Variants in TMEM242 observed in about 807,000 individuals in gnomAD.
The protein encoded by TMEM242 is UPF0463 transmembrane protein C6orf35.
TMEM242 carries 10 observed loss-of-function variants against 18.2 expected under a neutral mutation model. The observed-to-expected ratio is 0.55, with a 90% confidence interval of 0.34 to 0.93. TMEM242 has a LOEUF of 0.93. Among genes scored for constraint, TMEM242 ranks in the 40% least tolerant of loss-of-function variants. TMEM242 has a pLI of 0.02. For missense variants in TMEM242, 186 were observed against 175.5 expected (o/e 1.06, Z -0.34); for synonymous variants, 57 against 69.9 (o/e 0.81, Z 0.92).
At chr6:157,313,448 T>G (rs1412549339) in intron 3 of TMEM242, among the ~76,000 whole-genome samples, 16 of 129,814 alleles carry the variant, frequency 1.2e-4, no homozygotes, top group Middle Eastern at 4.7e-3. Flanking sequence ...AGTGCCCCAG[T>G]CTGCGCTCAC....
chr6:157,303,721 C>T (rs1477648455), intron 3 of TMEM242, among the ~76,000 whole-genome samples: 2 of 148,336 alleles, frequency 1.3e-5, no homozygotes, highest in Non-Finnish European at 3.0e-5. Context: ...AGCATGAACA[C>T]AATTATTTTG....
intron 3 of TMEM242, among the ~76,000 whole-genome samples, chr6:157,296,571 T>A (rs373971647): frequency 1.3e-5 from 2 of 152,236 alleles, no homozygotes; most frequent in African/African-American, 4.8e-5. Flanking sequence ...TAGCCCCAGC[T>A]ACTCAGGAAG....
chr6:157,289,900 G>A lies in TMEM242; in HGVS notation c.*3001C>T, dbSNP rs1344602977. 4 of 152,206 alleles carry A rather than the reference G, an allele frequency of 2.6e-5. No homozygotes were observed. The highest frequency in any genetic ancestry group is 7.2e-5 in the African/African-American group (3 of 41,432). The allele number at this position is 152,206 out of a possible 1,614,324, so 9.4% of individuals were successfully genotyped here. A position where few individuals can be genotyped will look rare whatever the true frequency, so the allele number is the denominator to read the frequency against. On this transcript the variant is annotated 3_prime_UTR_variant, in exon 4 of 4. Transcript: ENST00000400788. Reference sequence around the variant, plus strand: ...GAGGGTGGTGGTGGAGATGGCCCACGACCCTCTCAGCAGCCACATGCTTCC... The same window carrying A: ...GAGGGTGGTGGTGGAGATGGCCCACAACCCTCTCAGCAGCCACATGCTTCC...
At position 157,292,748 on chromosome 6, in the gene TMEM242, C is replaced by G. The variant is rs1258136967; in HGVS notation, c.*153G>C. 8.4e-6 allele frequency: 5 copies of G among 592,718 alleles called. No individual in the cohort carries two copies. The highest frequency in any genetic ancestry group is 1.5e-5 in the Non-Finnish European group (5 of 333,564). 36.7% of individuals were successfully genotyped at this position (592,718 alleles called of 1,614,324 possible). ...CCCCAGCACGCACACACATACTCTCCTGTGATGAGGCTGAATGCTATCCAG... is the reference window on the plus strand; with the variant it reads ...CCCCAGCACGCACACACATACTCTCGTGTGATGAGGCTGAATGCTATCCAG... On this transcript the variant is annotated 3_prime_UTR_variant, in exon 4 of 4. Coordinates refer to ENST00000400788, the MANE Select transcript of TMEM242 (RefSeq NM_018452.6).
intron 3 of TMEM242, chr6:157,299,631 A>G: frequency 1.2e-6 from 2 of 1,606,530 alleles, no homozygotes; most frequent in East Asian, 2.2e-5. Context: ...AGGGGGCTGT[A>G]CTGGACAATA....
chr6:157,312,901 C>A (rs1554249501), intron 3 of TMEM242, among the ~76,000 whole-genome samples: 2 of 152,056 alleles, frequency 1.3e-5, no homozygotes, highest in African/African-American at 2.4e-5. Flanking sequence ...TCATAGTGTC[C>A]CACTGTGCGC....
chr6:157,299,642 C>G, intron 3 of TMEM242: 1 of 1,609,482 alleles, frequency 6.2e-7, no homozygotes, highest in Admixed American at 1.7e-5. Context: ...CTGGACAATA[C>G]CGGAAATCAT....
chr6:157,303,382 A>G (rs147053063), intron 3 of TMEM242, among the ~76,000 whole-genome samples: 159 of 152,362 alleles, frequency 1.0e-3, no homozygotes, highest in Non-Finnish European at 1.8e-3. Context: ...GGGCATCTTT[A>G]GAAAGTTGAT....
chr6:157,308,353 T>C (rs1306299834), intron 3 of TMEM242, among the ~76,000 whole-genome samples: 1 of 152,162 alleles, frequency 6.6e-6, no homozygotes, highest in Non-Finnish European at 1.5e-5. Context: ...CAGTTGGTCA[T>C]AAGGTTACTA....
Position 157,290,300 on chromosome 6 carries a change from T to C in TMEM242, c.*2601A>G, listed in dbSNP as rs1464247595. 1.3e-5 allele frequency: 2 copies of C among 152,204 alleles called. No homozygotes were observed. Among genetic ancestry groups the C allele is most frequent in the African/African-American group, 4.8e-5 (2 of 41,440 alleles). 9.4% of individuals were successfully genotyped at this position (152,204 alleles called of 1,614,324 possible). A position where few individuals can be genotyped will look rare whatever the true frequency, so the allele number is the denominator to read the frequency against. ...CCTGCGTTATCCATCCTTTAAAGCA[T>C]TTCTAGTGCTCAGCCTCCATGAAAT... On this transcript the variant is annotated 3_prime_UTR_variant, in exon 4 of 4. Coordinates refer to ENST00000400788, the MANE Select transcript of TMEM242 (RefSeq NM_018452.6).
intron 3 of TMEM242, among the ~76,000 whole-genome samples, chr6:157,316,369 G>A (rs1027431878): frequency 1.3e-5 from 2 of 152,170 alleles, no homozygotes; most frequent in Non-Finnish European, 2.9e-5. Context: ...ATTAATATCT[G>A]CTAGATAGTT....
intron 3 of TMEM242, among the ~76,000 whole-genome samples, chr6:157,316,629 A>G (rs1158025730): frequency 6.6e-6 from 1 of 152,166 alleles, no homozygotes; most frequent in Non-Finnish European, 1.5e-5. Flanking sequence ...TAATCCCAGC[A>G]CTTCGGGAGG....
intron 3 of TMEM242, among the ~76,000 whole-genome samples, chr6:157,295,088 ATAT>A (rs1263243357): frequency 2.6e-5 from 4 of 152,212 alleles, no homozygotes; most frequent in Non-Finnish European, 5.9e-5. Flanking sequence ...ATGGATATAA[ATAT>A]TATGGAATGT....
At chr6:157,311,385 C>T (rs868979450) in intron 3 of TMEM242, among the ~76,000 whole-genome samples, 2 of 38,014 alleles carry the variant, frequency 5.3e-5, no homozygotes, top group Non-Finnish European at 1.1e-4. Context: ...TTCCAGTGTG[C>T]GCTCACCTAG....
intron 3 of TMEM242, among the ~76,000 whole-genome samples, chr6:157,310,439 T>G (rs1777989702): frequency 6.6e-6 from 1 of 150,522 alleles, no homozygotes. Context: ...AGTGTCCCAG[T>G]GTGCACTCAC....
rs891858394 is a variant in TMEM242, at chr6:157,305,352, T to C, written c.328-12353A>G. On this transcript the variant is annotated intron_variant, in intron 3 of 3. Coordinates refer to ENST00000400788, the MANE Select transcript of TMEM242 (RefSeq NM_018452.6). This position sits in a 1 kb window ranked among gnomAD's most constrained non-coding sequence, Gnocchi z 4.1. The stretch of plus-strand genomic sequence containing the variant: ...TTTGGTTTGAAGTGGAAGGATGAGA[T>C]GACGGTGGCATTTACGGAATGGGGA... Among the ~76,000 whole-genome samples the C allele has an allele frequency of 4.6e-5, 7 of 152,040 alleles. No homozygotes were observed. Among genetic ancestry groups the C allele is most frequent in the South Asian group, 4.2e-4 (2 of 4,800 alleles).
chr6:157,298,370 A>G (rs1777779553), intron 3 of TMEM242, among the ~76,000 whole-genome samples: 1 of 152,212 alleles, frequency 6.6e-6, no homozygotes, highest in African/African-American at 2.4e-5. Context: ...CTGACTGTCA[A>G]GCCTCTTTCT....
At chr6:157,313,153 C>A (rs1239780247) in intron 3 of TMEM242, among the ~76,000 whole-genome samples, 1 of 133,926 alleles carries the variant, frequency 7.5e-6, no homozygotes, top group African/African-American at 2.7e-5. Context: ...TGTGCGCTCA[C>A]CTGGCCTCAT....
chr6:157,305,358 T>C lies in TMEM242; in HGVS notation c.328-12359A>G, dbSNP rs1777896107. On this transcript the variant is annotated intron_variant, in intron 3 of 3. Coordinates refer to ENST00000400788, the MANE Select transcript of TMEM242 (RefSeq NM_018452.6). This position sits in a 1 kb window ranked among gnomAD's most constrained non-coding sequence, Gnocchi z 4.1. ...TTGAAGTGGAAGGATGAGATGACGGTGGCATTTACGGAATGGGGAAGACCA... is the reference window on the plus strand; with the variant it reads ...TTGAAGTGGAAGGATGAGATGACGGCGGCATTTACGGAATGGGGAAGACCA... 6.6e-6 allele frequency among the ~76,000 whole-genome samples: 1 copy of C among 151,976 alleles called. No homozygotes were observed. The highest frequency in any genetic ancestry group is 2.4e-5 in the African/African-American group (1 of 41,372).
Sources: allele counts gnomAD v4.1 joint callset (sites outside exome capture counted in the v4.1 genomes callset), GRCh38; gene constraint gnomAD v4.1.1; non-coding constraint Gnocchi (gnomAD v3.1); transcripts MANE v1.5; gene names NCBI Gene and HGNC (gene_info 2026-07-23, HGNC 2026-07-21).